The following DDX39B variants were observed in gnomAD, a reference collection of about 807,000 sequenced individuals.
The protein encoded by DDX39B is spliceosome RNA helicase DDX39B.
Under a neutral mutation model 46.4 loss-of-function variants are expected in DDX39B, and 6 were observed. The observed-to-expected ratio is 0.13, with a 90% confidence interval of 0.07 to 0.26. The LOEUF (loss-of-function observed/expected upper bound fraction) is 0.26, where lower values mean the gene tolerates loss of function less well. Among genes scored for constraint, DDX39B ranks in the 10% least tolerant of loss-of-function variants. The probability of loss-of-function intolerance (pLI) is 1.00; values close to 1 mark genes in which losing one functional copy is unlikely to be tolerated. For missense variants in DDX39B, 185 were observed against 553.4 expected, an observed-to-expected ratio of 0.33 and a Z score of 6.68; for synonymous variants, 174 against 199.4, an observed-to-expected ratio of 0.87 and a Z score of 1.07.
At chr6:31,540,128 A>G (rs957225600) in intron 2 of DDX39B, among the ~76,000 whole-genome samples, 194 bp downstream of exon 2, 5 of 152,098 alleles carry the variant, frequency 3.3e-5, no homozygotes, top group African/African-American at 4.8e-5. Flanking sequence ...CTTCTCTTGC[A>G]CTTTTGAGCT....
intron 3 of DDX39B, 135 bp downstream of exon 3, chr6:31,539,012 C>G (rs774516094): frequency 4.3e-5 from 65 of 1,529,132 alleles, no homozygotes; most frequent in Non-Finnish European, 5.6e-5. Context: ...GAACATCCCC[C>G]ACAGCTGTCA....
chr6:31,533,656 C>T (rs566733002), intron 6 of DDX39B: 9 of 152,786 alleles, frequency 5.9e-5, no homozygotes, highest in African/African-American at 2.2e-4. Flanking sequence ...GACAGGATCT[C>T]ACCATGTTGC....
chr6:31,534,148 T>G lies in DDX39B; in HGVS notation c.735+1219A>C, dbSNP rs1767506636. On this transcript the variant is annotated intron_variant, in intron 6 of 10. Coordinates refer to ENST00000396172, the MANE Select transcript of DDX39B (RefSeq NM_004640.7). This position sits in a 1 kb window ranked among gnomAD's most constrained non-coding sequence, Gnocchi z 5.1. The stretch of plus-strand genomic sequence containing the variant: ...CCTCAGCTTCCCAAGTAGCTGGGAC[T>G]ACAGGCATGCGCCACCACGCCCGGT... 1 of 182,010 alleles carries G rather than the reference T, an allele frequency of 5.5e-6. No homozygotes were observed. The highest frequency in any genetic ancestry group is 2.4e-5 in the African/African-American group (1 of 42,186). 11.3% of individuals were successfully genotyped at this position (182,010 alleles called of 1,614,324 possible).
chr6:31,538,922 A>AC, intron 3 of DDX39B, 67 bp from the exon 4 acceptor site: 1 of 1,546,522 alleles, frequency 6.5e-7, no homozygotes, highest in Non-Finnish European at 8.9e-7. Flanking sequence ...TAGGGAAGTG[A>AC]CTGTCACAAA....
chr6:31,535,263 G>T lies in DDX39B; in HGVS notation c.735+104C>A. The T allele has an allele frequency of 1.8e-6, 2 of 1,139,720 alleles. No individual in the cohort carries two copies. Among genetic ancestry groups the T allele is most frequent in the Non-Finnish European group, 2.7e-6 (2 of 753,688 alleles). 70.6% of individuals were successfully genotyped at this position (1,139,720 alleles called of 1,614,324 possible). A position where few individuals can be genotyped will look rare whatever the true frequency, so the allele number is the denominator to read the frequency against. ...CATTACTCCCAGTTGGGCACAAGCC[G>T]CCTTCTTGGCACTTGAATGACAAGG... is the stretch of plus-strand genomic sequence containing the variant. On this transcript the variant is annotated intron_variant, in intron 6 of 10. Coordinates refer to ENST00000396172, the MANE Select transcript of DDX39B (RefSeq NM_004640.7). The surrounding 1 kb of genome is among the most constrained non-coding windows in gnomAD (Gnocchi z 4.6).
intron 6 of DDX39B, chr6:31,533,310 G>C (rs1274669326): frequency 9.0e-6 from 2 of 222,122 alleles, no homozygotes; most frequent in Non-Finnish European, 1.9e-5. Flanking sequence ...AGTGACTCAA[G>C]GTCAGAATAA....
At chr6:31,533,659 C>A in intron 6 of DDX39B, 1 of 152,654 alleles carries the variant, frequency 6.6e-6, no homozygotes, top group South Asian at 2.0e-4. Flanking sequence ...AGGATCTCAC[C>A]ATGTTGCCCA....
rs1768134243 is a variant in DDX39B, at chr6:31,539,288, GGGGA to G, written c.212-18_212-15del. The G allele has an allele frequency of 3.7e-6, 6 of 1,606,820 alleles. No individual in the cohort carries two copies. Among genetic ancestry groups the G allele is most frequent in the Non-Finnish European group, 4.3e-6 (5 of 1,174,900 alleles). ...ACTCATGCTGGACTAAAAGTTGGGG[GGGGA>G]GGAAGATAAATTAGACTTCAGTCTC... is the stretch of plus-strand genomic sequence containing the variant. On this transcript the variant is annotated splice_polypyrimidine_tract_variant and intron_variant, in intron 2 of 10. Transcript: ENST00000396172.
intron 2 of DDX39B, 79 bp downstream of exon 2, chr6:31,540,243 C>T: frequency 4.0e-6 from 6 of 1,486,864 alleles, no homozygotes; most frequent in Non-Finnish European, 4.7e-6. Context: ...CTTACCACCA[C>T]CTGAGCAACG....
At chr6:31,532,563 A>G (rs1767290829) in intron 7 of DDX39B, 1 of 509,486 alleles carries the variant, frequency 2.0e-6, no homozygotes, top group Non-Finnish European at 3.4e-6. Flanking sequence ...TTTGAAGTTT[A>G]TTTTCCTTGA....
At chr6:31,533,956 G>A (rs957086523) in intron 6 of DDX39B, 1 of 152,404 alleles carries the variant, frequency 6.6e-6, no homozygotes, top group Non-Finnish European at 1.5e-5. Context: ...AATAGGAAAG[G>A]ATGCGTGTGT....
At chr6:31,541,696 C>G (rs779596336) in intron 1 of DDX39B, 2 of 534,946 alleles carry the variant, frequency 3.7e-6, no homozygotes, top group South Asian at 3.1e-5. Flanking sequence ...ATGAGAAGAA[C>G]CCATTGGAAG....
At chr6:31,541,613 A>T (rs1768466202) in intron 1 of DDX39B, 1 of 476,498 alleles carries the variant, frequency 2.1e-6, no homozygotes, top group South Asian at 1.5e-5. Context: ...AGGTGAGAAG[A>T]GCCCCGCCCT....
chr6:31,531,387 A>C lies in DDX39B; in HGVS notation c.886T>G (p.Ser296Ala). ...GCCAAGGCAATGCACCGCTGCACAG[A>C]CTTCACAAAGATCACCACCTGTTGT... ...EFNQVVIFVK[S>A]VQRCIALAQL... The change falls in exon 8 of 11, where the codon TCT becomes GCT. Residue 296 changes from serine (S) to alanine (A), a missense_variant. This residue lies in a region of DDX39B where 110 missense variants were observed against 282.2 expected (regional missense o/e 0.39). Transcript: ENST00000396172. This position sits in a 1 kb window ranked among gnomAD's most constrained non-coding sequence, Gnocchi z 5.8. 1 of 1,614,072 alleles carries C rather than the reference A, an allele frequency of 6.2e-7. No individual in the cohort carries two copies. Among genetic ancestry groups the C allele is most frequent in the Non-Finnish European group, 8.5e-7 (1 of 1,180,010 alleles).
intron 1 of DDX39B, chr6:31,541,351 G>A (rs139198642): frequency 2.6e-6 from 1 of 380,518 alleles, no homozygotes; most frequent in South Asian, 2.0e-5. Flanking sequence ...GCTAATAGGT[G>A]ACAGAGAAAG....
Position 31,530,992 on chromosome 6 carries a change from GA to G in DDX39B, c.1122+60del. The G allele has an allele frequency of 1.2e-6, 2 of 1,613,444 alleles. No individual in the cohort carries two copies. The highest frequency in any genetic ancestry group is 1.7e-6 in the Non-Finnish European group (2 of 1,179,444). Reference sequence around the variant, plus strand: ...AAAGAGACCCAGAGGCAGGAATGAAGATGTACAAACAGAAAACAAGGGAATG... The same window carrying G: ...AAAGAGACCCAGAGGCAGGAATGAAGTGTACAAACAGAAAACAAGGGAATG... On this transcript the variant is annotated intron_variant, in intron 9 of 10. Coordinates refer to ENST00000396172, the MANE Select transcript of DDX39B (RefSeq NM_004640.7). The surrounding 1 kb of genome is among the most constrained non-coding windows in gnomAD (Gnocchi z 4.5).
In DDX39B at chr6:31,540,600, G is replaced by A; in HGVS notation, c.-68C>T. On this transcript the variant is annotated 5_prime_UTR_variant, in exon 2 of 11. Coordinates refer to ENST00000396172, the MANE Select transcript of DDX39B (RefSeq NM_004640.7). ...GTTCTCGCAAAATAGGTGAAAACAA[G>A]GGGTGAAGAGTAGGGGATTGAGGAA... 1.4e-6 allele frequency: 2 copies of A among 1,464,562 alleles called. No individual in the cohort carries two copies. Among genetic ancestry groups the A allele is most frequent in the East Asian group, 2.3e-5 (1 of 43,988 alleles). The allele number at this position is 1,464,562 out of a possible 1,614,324, so 90.7% of individuals were successfully genotyped here. A position where few individuals can be genotyped will look rare whatever the true frequency, so the allele number is the denominator to read the frequency against.
chr6:31,531,538 C>T lies in DDX39B; in HGVS notation c.868-133G>A. ...ATTCCTCTTCATTTCTCTTATTCCC[C>T]CACTATATATTTAGAGCAGAAAAGG... On this transcript the variant is annotated intron_variant, in intron 7 of 10. Transcript: ENST00000396172. The surrounding 1 kb of genome is among the most constrained non-coding windows in gnomAD (Gnocchi z 5.8). 1.4e-6 allele frequency: 1 copy of T among 736,790 alleles called. No homozygotes were observed. The highest frequency in any genetic ancestry group is 2.3e-6 in the Non-Finnish European group (1 of 437,336). The allele number at this position is 736,790 out of a possible 1,614,324, so 45.6% of individuals were successfully genotyped here. A position where few individuals can be genotyped will look rare whatever the true frequency, so the allele number is the denominator to read the frequency against.
intron 3 of DDX39B, 96 bp downstream of exon 3, chr6:31,539,051 C>A (rs763737896): frequency 3.1e-6 from 5 of 1,603,248 alleles, no homozygotes; most frequent in Non-Finnish European, 4.3e-6. Flanking sequence ...AGGTCATGTG[C>A]TCATGGCTCT....
Sources: allele counts gnomAD v4.1 joint callset (sites outside exome capture counted in the v4.1 genomes callset), GRCh38; gene constraint gnomAD v4.1.1; regional missense constraint gnomAD v4.1.1; non-coding constraint Gnocchi (gnomAD v3.1); transcripts MANE v1.5; gene names NCBI Gene and HGNC (gene_info 2026-07-23, HGNC 2026-07-21).